CIITA: variants seen among roughly 807,000 people sequenced by gnomAD.
The protein encoded by CIITA is MHC class II transactivator.
A neutral mutation model predicts 115.1 loss-of-function variants in CIITA; 72 were observed. The observed-to-expected ratio is 0.63, with a 90% CI of 0.52 to 0.76. The LOEUF (loss-of-function observed/expected upper bound fraction) is 0.76, where lower values mean the gene tolerates loss of function less well. Among genes scored for constraint, CIITA ranks in the 30% least tolerant of loss-of-function variants. CIITA has a pLI of 0.00. For synonymous variants in CIITA, 763 were observed against 635.6 expected, an observed-to-expected ratio of 1.20 and a Z score of -3.02; for missense variants, 1,617 against 1,463.8, an observed-to-expected ratio of 1.10 and a Z score of -1.71.
chr16:10,890,718 C>T lies in CIITA; in HGVS notation c.53-4564C>T, dbSNP rs183230198. Among the ~76,000 whole-genome samples, 152 of 152,300 alleles carry T rather than the reference C, an allele frequency of 1.0e-3. 1 individual carries two copies. The highest frequency in any genetic ancestry group is 3.6e-3 in the African/African-American group (148 of 41,558). On this transcript the variant is annotated intron_variant, in intron 1 of 19. Coordinates refer to ENST00000324288, the MANE Select transcript of CIITA (RefSeq NM_000246.4). ...AGGGTCCCTTTGTCACTCTCACAAA[C>T]GTAAGAAGCAAACTAATAATGATGG...
chr16:10,904,684 G>T (rs890437555), intron 9 of CIITA, 60 bp from the exon 10 acceptor site: 20 of 1,592,044 alleles, frequency 1.3e-5, no homozygotes, highest in Non-Finnish European at 1.7e-5. Flanking sequence ...GGCCCAGAGG[G>T]AGGGGGGTCC....
At position 10,931,486 on chromosome 16, in the gene CIITA, T is replaced by C. The variant is rs1181596318; in HGVS notation, c.*7631T>C. ...GAATTTACTAACACTCCGGTTTTCA[T>C]TGTGTTTATCTGTAGGGTTACCTTC... is the stretch of plus-strand genomic sequence containing the variant. On this transcript the variant is annotated 3_prime_UTR_variant, in exon 20 of 20. Transcript: ENST00000324288. 1 of 152,208 alleles carries C rather than the reference T, an allele frequency of 6.6e-6. No homozygotes were observed. The highest frequency in any genetic ancestry group is 1.5e-5 in the Non-Finnish European group (1 of 68,036). 9.4% of individuals were successfully genotyped at this position (152,208 alleles called of 1,614,324 possible).
chr16:10,939,984 G>C (rs2041079107), downstream of CIITA: 1 of 152,422 alleles, frequency 6.6e-6, no homozygotes, highest in Non-Finnish European at 1.5e-5. The surrounding 1 kb of genome is among the most constrained non-coding windows in gnomAD (Gnocchi z 4.9). Flanking sequence ...CAGGCAGGCA[G>C]GCTGGGGAGG....
intron 1 of CIITA, among the ~76,000 whole-genome samples, chr16:10,889,417 G>A (rs2144022780): frequency 6.6e-6 from 1 of 152,254 alleles, no homozygotes; most frequent in African/African-American, 2.4e-5. Context: ...ACCCTCTAAT[G>A]TAATGGGCTT....
intron 1 of CIITA, among the ~76,000 whole-genome samples, chr16:10,885,604 C>G (rs911837754): frequency 4.6e-5 from 7 of 152,204 alleles, no homozygotes; most frequent in Admixed American, 2.6e-4. Flanking sequence ...TTGCAAACAG[C>G]AGGCTGGAGA....
Position 10,906,623 on chromosome 16 carries a change from C to G in CIITA, c.1131C>G (p.Ser377Arg). 1 of 1,613,886 alleles carries G rather than the reference C, an allele frequency of 6.2e-7. No individual in the cohort carries two copies. The highest frequency in any genetic ancestry group is 8.5e-7 in the Non-Finnish European group (1 of 1,179,990). ...QARLERSSSK[S>R]LERELATPDW... The stretch of plus-strand genomic sequence containing the variant: ...GGCTGGAGAGGAGCAGCAGCAAGAG[C>G]CTGGAGCGGGAACTGGCCACCCCGG... The change falls in exon 11 of 20, where the codon AGC becomes AGG. Residue 377 changes from serine to arginine, a missense_variant. Coordinates refer to ENST00000324288, the MANE Select transcript of CIITA (RefSeq NM_000246.4).
intron 4 of CIITA, 89 bp downstream of exon 4, chr16:10,898,821 C>A: frequency 6.3e-7 from 1 of 1,594,222 alleles, no homozygotes; most frequent in Non-Finnish European, 8.6e-7. Context: ...GACGACCATT[C>A]ATTGATGGGC....
At position 10,879,359 on chromosome 16, in the gene CIITA, C is replaced by T. The variant is rs1267268668; in HGVS notation, c.52+1977C>T. ...CTGGGAGCGCGGAGCAGACACACTC[C>T]CCCGGCCACCCTTGGCCGACTCCGC... On this transcript the variant is annotated intron_variant, in intron 1 of 19. Transcript: ENST00000324288. This position sits in a 1 kb window ranked among gnomAD's most constrained non-coding sequence, Gnocchi z 4.3. Among the ~76,000 whole-genome samples, 2 of 152,054 alleles carry T rather than the reference C, an allele frequency of 1.3e-5. No homozygotes were observed. The highest frequency in any genetic ancestry group is 2.9e-5 in the Non-Finnish European group (2 of 67,994).
At chr16:10,893,418 G>C (rs985204794) in intron 1 of CIITA, among the ~76,000 whole-genome samples, 1 of 152,174 alleles carries the variant, frequency 6.6e-6, no homozygotes. Flanking sequence ...GAAGCTGCTT[G>C]TCTTCTCTGG....
rs45538933 is a variant in CIITA, at chr16:10,924,782, G to A, written c.*927G>A. ...ACAGCTAATGGGACACTAATGGGGC[G>A]GTGAGAGGGGAACAGACTGGAAGCA... On this transcript the variant is annotated 3_prime_UTR_variant, in exon 20 of 20. Coordinates refer to ENST00000324288, the MANE Select transcript of CIITA (RefSeq NM_000246.4). 347 of 152,358 alleles carry A rather than the reference G, an allele frequency of 2.3e-3. No homozygotes were observed. Among genetic ancestry groups the A allele is most frequent in the Non-Finnish European group, 3.8e-3 (261 of 68,060 alleles). 9.4% of individuals were successfully genotyped at this position (152,358 alleles called of 1,614,324 possible).
rs1186710222 is a variant in CIITA, at chr16:10,903,893, C to T, written c.935C>T (p.Thr312Ile). Reference sequence around the variant, plus strand: ...GCCCTGACCTCCCGAGCAAACATGACAGGTAAGGACCCTTAGGGCCTGTGA... The same window carrying T: ...GCCCTGACCTCCCGAGCAAACATGATAGGTAAGGACCCTTAGGGCCTGTGA... ...EPALTSRANM[T>I]EHKTSPTQCP... is the part of the protein sequence containing the mutation. Residue 312 changes from threonine (T) to isoleucine (I), a missense_variant and splice_region_variant, in exon 9 of 20, where the codon ACA (threonine) becomes ATA (isoleucine). Coordinates refer to ENST00000324288, the MANE Select transcript of CIITA (RefSeq NM_000246.4). 6.2e-7 allele frequency: 1 copy of T among 1,614,192 alleles called. No homozygotes were observed. Among genetic ancestry groups the T allele is most frequent in the South Asian group, 1.1e-5 (1 of 91,088 alleles).
chr16:10,907,729 C>T lies in CIITA; in HGVS notation c.2237C>T (p.Pro746Leu), dbSNP rs374855163. 2 of 1,614,224 alleles carry T rather than the reference C, an allele frequency of 1.2e-6. No homozygotes were observed. Among genetic ancestry groups the T allele is most frequent in the Non-Finnish European group, 1.7e-6 (2 of 1,180,030 alleles). ...GCATTGACCCCAAGGAAGAAGAGGCCCTATGACAACTGGCTGGAGGGCGTG... is the reference window on the plus strand; with the variant it reads ...GCATTGACCCCAAGGAAGAAGAGGCTCTATGACAACTGGCTGGAGGGCGTG... ...YLALTPRKKR[P>L]YDNWLEGVPR... Residue 746 changes from proline to leucine, a missense_variant, in exon 11 of 20, where the codon CCC (proline) becomes CTC (leucine). Pro to Leu is a moderately conservative substitution (Grantham distance 98). Transcript: ENST00000324288. This position sits in a 1 kb window ranked among gnomAD's most constrained non-coding sequence, Gnocchi z 5.0.
chr16:10,906,425 G>A, intron 10 of CIITA, 74 bp from the exon 11 acceptor site: 1 of 1,509,526 alleles, frequency 6.6e-7, no homozygotes, highest in South Asian at 1.1e-5. Flanking sequence ...TGGTGGCAGT[G>A]CTGGCCTTGT....
At chr16:10,885,827 T>C (rs928321984) in intron 1 of CIITA, among the ~76,000 whole-genome samples, 2 of 152,126 alleles carry the variant, frequency 1.3e-5, no homozygotes, top group African/African-American at 4.8e-5. Context: ...GCCATAGAGG[T>C]ACCAACCTCA....
rs767047469 is a variant in CIITA, at chr16:10,877,329, C to T, written c.-2C>T. On this transcript the variant is annotated 5_prime_UTR_variant, in exon 1 of 20. Transcript: ENST00000324288. ...CTGCTGCCTGGCTGGGATTCCTACA[C>T]AATGCGTTGCCTGGCTCCACGCCCT... is the stretch of plus-strand genomic sequence containing the variant. 2.8e-5 allele frequency: 45 copies of T among 1,612,728 alleles called. No individual in the cohort carries two copies. The highest frequency in any genetic ancestry group is 3.5e-5 in the Non-Finnish European group (41 of 1,179,404).
chr16:10,913,791 AT>A (rs2144916134), intron 13 of CIITA, among the ~76,000 whole-genome samples: 1 of 151,912 alleles, frequency 6.6e-6, no homozygotes, highest in Admixed American at 6.5e-5. Flanking sequence ...TACAAAACAA[AT>A]TAGCTGGGCA....
chr16:10,868,307 T>C (rs1379578135), intron 1 of CIITA, among the ~76,000 whole-genome samples: 3 of 150,316 alleles, frequency 2.0e-5, no homozygotes, highest in Non-Finnish European at 2.9e-5. Context: ...TGGGAAGCGG[T>C]GAAGACTGGA....
chr16:10,866,391 C>A (rs1462726393), intron 1 of CIITA: 1 of 566,674 alleles, frequency 1.8e-6, no homozygotes, highest in Non-Finnish European at 3.5e-6. Context: ...TGAAGGAGGA[C>A]CTCCTCTCCA....
intron 13 of CIITA, among the ~76,000 whole-genome samples, chr16:10,911,644 T>G (rs1010171729): frequency 6.6e-6 from 1 of 151,674 alleles, no homozygotes; most frequent in Non-Finnish European, 1.5e-5. Flanking sequence ...AGCCTCAACC[T>G]CCCTAGGCTC....
Sources: gnomAD v4.1 joint callset for allele counts (sites outside exome capture counted in the v4.1 genomes callset) on GRCh38, gnomAD v4.1.1 for gene constraint, Gnocchi (gnomAD v3.1) non-coding constraint, MANE v1.5 for transcripts, NCBI Gene and HGNC (gene_info 2026-07-23, HGNC 2026-07-21) for gene names.